The following SMPD3 variants were observed in gnomAD, a reference collection of about 807,000 sequenced individuals.
SMPD3 encodes the protein sphingomyelin phosphodiesterase 3.
A neutral mutation model predicts 55.7 loss-of-function variants in SMPD3; 21 were observed. The ratio of observed to expected loss-of-function variants is 0.38; its 90% CI spans 0.27 to 0.54. The LOEUF is 0.54. SMPD3 is among the 20% of genes least tolerant of loss of function. The pLI is 0.80. For synonymous variants in SMPD3, 457 were observed against 404.3 expected (o/e 1.13, Z -1.56); for missense variants, 842 against 899.6 (o/e 0.94, Z 0.82).
chr16:68,378,621 T>C (rs1244248759), intron 2 of SMPD3, among the ~76,000 whole-genome samples: 1 of 150,402 alleles, frequency 6.6e-6, no homozygotes, highest in Non-Finnish European at 1.5e-5. Context: ...TGTTTGCACG[T>C]CCTGGATGGA....
intron 1 of SMPD3, among the ~76,000 whole-genome samples, chr16:68,402,598 G>A (rs2090219940): frequency 6.6e-6 from 1 of 151,866 alleles, no homozygotes; most frequent in African/African-American, 2.4e-5. Flanking sequence ...ATTTGTCATG[G>A]CTTTATGTTC....
Position 68,372,342 on chromosome 16 carries a change from G to T in SMPD3, c.-161C>A, listed in dbSNP as rs189383996. On this transcript the variant is annotated 5_prime_UTR_variant, in exon 3 of 9. Coordinates refer to ENST00000219334, the MANE Select transcript of SMPD3 (RefSeq NM_018667.4). ...GGTCAATGGCGAATGTTGGCCAGCC[G>T]GTCATGGTTCACCTCGGTGGGCCAT... 1 of 954,550 alleles carries T rather than the reference G, an allele frequency of 1.0e-6. No homozygotes were observed. The highest frequency in any genetic ancestry group is 1.6e-6 in the Non-Finnish European group (1 of 637,678). 59.1% of individuals were successfully genotyped at this position (954,550 alleles called of 1,614,324 possible).
chr16:68,428,952 G>T lies in SMPD3; in HGVS notation c.-269+19401C>A, dbSNP rs1002102830. 3.9e-5 allele frequency among the ~76,000 whole-genome samples: 6 copies of T among 152,252 alleles called. No homozygotes were observed. In the South Asian group the frequency reaches 1.2e-3, roughly 31 times the overall value. ...TGGTGACTGTGGTCAGAGCAGGTCA[G>T]CCTAGTCAAGCCAGGGGAAAGTCAG... On this transcript the variant is annotated intron_variant, in intron 1 of 8. Coordinates refer to ENST00000219334, the MANE Select transcript of SMPD3 (RefSeq NM_018667.4).
intron 2 of SMPD3, among the ~76,000 whole-genome samples, chr16:68,375,532 A>C (rs2863973): frequency 0.22 from 33,148 of 151,950 alleles, 4,195 homozygotes; most frequent in African/African-American, 0.33. Flanking sequence ...ATTCTGCAAA[A>C]CTGCTCTCCC....
intron 7 of SMPD3, among the ~76,000 whole-genome samples, chr16:68,362,208 C>T (rs955151513): frequency 9.2e-5 from 14 of 152,184 alleles, no homozygotes; most frequent in African/African-American, 3.4e-4. Flanking sequence ...TCAAATGGGG[C>T]TGTCCCTACG....
chr16:68,372,697 G>C (rs1342071849), intron 2 of SMPD3, among the ~76,000 whole-genome samples: 1 of 152,218 alleles, frequency 6.6e-6, no homozygotes, highest in Non-Finnish European at 1.5e-5. Flanking sequence ...CAGATTTGTG[G>C]GTGCAAAGGG....
In SMPD3 at chr16:68,371,957, C is replaced by T. The variant is rs2089682952; in HGVS notation, c.225G>A (p.Leu75=). ...AGAGAAAGCCGAGAAACGCAAAGGG[C>T]AGCGAGGCCACCAGGAGGGCCAGGT... ...PIYLALLVAS[L]PFAFLGFLFW... Residue 75 remains leucine, a synonymous_variant, in exon 3 of 9, where the codon CTG becomes CTA. Coordinates refer to ENST00000219334, the MANE Select transcript of SMPD3 (RefSeq NM_018667.4). The T allele has an allele frequency of 1.2e-6, 2 of 1,612,046 alleles. No homozygotes were observed. Among genetic ancestry groups the T allele is most frequent in the African/African-American group, 2.7e-5 (2 of 74,934 alleles).
Position 68,371,776 on chromosome 16 carries a change from C to A in SMPD3, c.406G>T (p.Asp136Tyr). 1 of 1,610,530 alleles carries A rather than the reference C, an allele frequency of 6.2e-7. No homozygotes were observed. Among genetic ancestry groups the A allele is most frequent in the South Asian group, 1.1e-5 (1 of 90,362 alleles). The change falls in exon 3 of 9, where the codon GAC (aspartate) becomes TAC (tyrosine). Residue 136 changes from aspartate to tyrosine, a missense_variant. By Grantham distance (160) the Asp-to-Tyr change is radical. Transcript: ENST00000219334. ...AGGTTGTTGACCCTGGCGAGTGAGT[C>A]GGGCAGGAGGCAGACGTTGGCAGTG... is the stretch of plus-strand genomic sequence containing the variant. ...FATANVCLLP[D>Y]SLARVNNLFN...
At chr16:68,440,852 T>C (rs995021862) in intron 1 of SMPD3, among the ~76,000 whole-genome samples, 3 of 152,230 alleles carry the variant, frequency 2.0e-5, no homozygotes, top group Non-Finnish European at 2.9e-5. Flanking sequence ...TCTTGAGTCA[T>C]CTGGTACAAT....
intron 1 of SMPD3, among the ~76,000 whole-genome samples, chr16:68,387,746 A>G (rs2090072264): frequency 6.6e-6 from 1 of 152,132 alleles, no homozygotes; most frequent in African/African-American, 2.4e-5. Flanking sequence ...CCACCCCTCC[A>G]TTCAGAGTAG....
At chr16:68,365,524 G>A (rs1053971567) in intron 3 of SMPD3, among the ~76,000 whole-genome samples, 1 of 152,114 alleles carries the variant, frequency 6.6e-6, no homozygotes, top group Non-Finnish European at 1.5e-5. Flanking sequence ...GAAATCTCAG[G>A]GGGTTGCCCC....
intron 7 of SMPD3, 22 bp downstream of exon 7, chr16:68,363,474 G>A: frequency 6.2e-7 from 1 of 1,613,800 alleles, no homozygotes; most frequent in Non-Finnish European, 8.5e-7. Context: ...CCTCGTCCCT[G>A]GCCTGGGAGC....
chr16:68,447,790 A>C lies in SMPD3; in HGVS notation c.-269+563T>G, dbSNP rs912022734. 2.9e-4 allele frequency among the ~76,000 whole-genome samples: 44 copies of C among 151,446 alleles called. No individual in the cohort carries two copies. Among genetic ancestry groups the C allele is most frequent in the African/African-American group, 9.7e-4 (40 of 41,348 alleles). Reference sequence around the variant, plus strand: ...CTCCTCTTTACAAAACCCTAGGGCCAAGGGAGGAGGGGGGAATAGGGAGGG... The same window carrying C: ...CTCCTCTTTACAAAACCCTAGGGCCCAGGGAGGAGGGGGGAATAGGGAGGG... On this transcript the variant is annotated intron_variant, in intron 1 of 8. Coordinates refer to ENST00000219334, the MANE Select transcript of SMPD3 (RefSeq NM_018667.4). This position sits in a 1 kb window ranked among gnomAD's most constrained non-coding sequence, Gnocchi z 5.1.
chr16:68,415,849 T>C (rs1045064753), intron 1 of SMPD3, among the ~76,000 whole-genome samples: 3 of 151,648 alleles, frequency 2.0e-5, no homozygotes. Context: ...TCCTAGACCC[T>C]TAGGTATTTA....
chr16:68,411,565 A>T (rs754099366), intron 1 of SMPD3, among the ~76,000 whole-genome samples: 1 of 152,190 alleles, frequency 6.6e-6, no homozygotes, highest in Admixed American at 6.5e-5. Context: ...GATGGCCAGC[A>T]GGGCTGCCCA....
chr16:68,406,769 C>A (rs970201364), intron 1 of SMPD3, among the ~76,000 whole-genome samples: 5 of 152,188 alleles, frequency 3.3e-5, no homozygotes, highest in African/African-American at 9.7e-5. Context: ...ATGTTCCAGG[C>A]ACCATTAGGA....
At chr16:68,363,628 C>CA (rs1333966790) in intron 6 of SMPD3, 69 bp from the exon 7 acceptor site, 1 of 1,491,614 alleles carries the variant, frequency 6.7e-7, no homozygotes, top group African/African-American at 1.4e-5. Flanking sequence ...GGGGTGGCCT[C>CA]TGTGGGTGGA....
intron 1 of SMPD3, among the ~76,000 whole-genome samples, chr16:68,436,403 G>A (rs1046236957): frequency 1.3e-5 from 2 of 152,120 alleles, no homozygotes; most frequent in African/African-American, 4.8e-5. Flanking sequence ...CCCCCTGGTA[G>A]GATTATGCTT....
At chr16:68,389,175 A>G (rs549041482) in intron 1 of SMPD3, among the ~76,000 whole-genome samples, 14 of 152,310 alleles carry the variant, frequency 9.2e-5, no homozygotes, top group South Asian at 2.1e-4. Flanking sequence ...TTAAATAGGC[A>G]GTAGGAGCAG....
Sources: gnomAD v4.1 joint callset for allele counts (sites outside exome capture counted in the v4.1 genomes callset) on GRCh38, gnomAD v4.1.1 for gene constraint, Gnocchi (gnomAD v3.1) non-coding constraint, MANE v1.5 for transcripts, NCBI Gene and HGNC (gene_info 2026-07-23, HGNC 2026-07-21) for gene names.